Variants in SLC35F3 observed in about 807,000 individuals in gnomAD.
SLC35F3 encodes the protein solute carrier family 35 member F3.
SLC35F3 carries 25 observed loss-of-function variants against 49.9 expected under a neutral mutation model. The ratio of observed to expected loss-of-function variants is 0.50; its 90% CI spans 0.37 to 0.70. The LOEUF is 0.70. Ranked by LOEUF, SLC35F3 falls within the 30% of genes least tolerant of loss-of-function variation. The pLI is 0.00. For synonymous variants in SLC35F3, 275 were observed against 265.4 expected (o/e 1.04, Z -0.35); for missense variants, 525 against 639.8 (o/e 0.82, Z 1.94).
intron 2 of SLC35F3, among the ~76,000 whole-genome samples, chr1:234,031,221 C>G (rs192865898): frequency 6.6e-6 from 1 of 152,100 alleles, no homozygotes; most frequent in Non-Finnish European, 1.5e-5. Flanking sequence ...ATTCCACTCA[C>G]GTTCTCAATC....
intron 2 of SLC35F3, among the ~76,000 whole-genome samples, chr1:234,197,979 A>G (rs1378659482): frequency 6.6e-6 from 1 of 152,246 alleles, no homozygotes; most frequent in African/African-American, 2.4e-5. Flanking sequence ...CTCTGGTCAT[A>G]ATTAGCACTT....
At chr1:234,211,097 G>A (rs1239372961) in intron 2 of SLC35F3, among the ~76,000 whole-genome samples, 1 of 152,250 alleles carries the variant, frequency 6.6e-6, no homozygotes, top group Non-Finnish European at 1.5e-5. Context: ...TAAACCCCAA[G>A]CCTTGGCAAT....
At chr1:233,914,663 TCA>T (rs1177010966) in intron 2 of SLC35F3, among the ~76,000 whole-genome samples, 1 of 152,216 alleles carries the variant, frequency 6.6e-6, no homozygotes, top group Non-Finnish European at 1.5e-5. Flanking sequence ...TCAGGAAGCC[TCA>T]GTCACTGGAG....
chr1:234,099,453 T>C (rs558439319), intron 2 of SLC35F3, among the ~76,000 whole-genome samples: 1 of 151,856 alleles, frequency 6.6e-6, no homozygotes, highest in East Asian at 1.9e-4. Context: ...CTACTAAAAA[T>C]ACAAAAATTA....
At chr1:234,269,124 TGTA>T (rs559234344) in intron 3 of SLC35F3, among the ~76,000 whole-genome samples, 1 of 152,368 alleles carries the variant, frequency 6.6e-6, no homozygotes, top group African/African-American at 2.4e-5. Context: ...TCACCTTTCA[TGTA>T]GTGTAAATAT....
chr1:234,143,514 C>T (rs955917299), intron 2 of SLC35F3, among the ~76,000 whole-genome samples: 1 of 152,010 alleles, frequency 6.6e-6, no homozygotes, highest in Admixed American at 6.6e-5. Context: ...GGTCTGAACT[C>T]CTGACCTCAG....
At chr1:234,169,129 C>T (rs1336980240) in intron 2 of SLC35F3, among the ~76,000 whole-genome samples, 1 of 152,188 alleles carries the variant, frequency 6.6e-6, no homozygotes, top group Admixed American at 6.5e-5. Flanking sequence ...TGTCTCCACT[C>T]AAGAAGAGAG....
intron 4 of SLC35F3, among the ~76,000 whole-genome samples, chr1:234,313,038 G>A (rs1394956817): frequency 1.3e-5 from 2 of 151,970 alleles, no homozygotes; most frequent in Non-Finnish European, 2.9e-5. Flanking sequence ...ACCACACCCA[G>A]CTAATTTTTT....
intron 3 of SLC35F3, among the ~76,000 whole-genome samples, chr1:234,290,148 G>GA (rs1309804919): frequency 2.0e-5 from 3 of 152,076 alleles, no homozygotes; most frequent in Non-Finnish European, 4.4e-5. Flanking sequence ...AAAGCACAGA[G>GA]ATATAAAGTG....
chr1:234,059,579 ATAGAGC>A (rs146323240), intron 2 of SLC35F3, among the ~76,000 whole-genome samples: 3,056 of 152,076 alleles, frequency 0.02, 119 homozygotes, highest in East Asian at 0.17. Context: ...AGAGGTAGAG[ATAGAGC>A]TAGAGCTAGA....
intron 1 of SLC35F3, 114 bp from the exon 2 acceptor site, chr1:233,905,415 G>A (rs1182198766): frequency 3.6e-6 from 3 of 837,520 alleles, no homozygotes; most frequent in Non-Finnish European, 5.5e-6. Context: ...CTCGCCCCCG[G>A]AGGGCCCCGG....
At chr1:233,919,038 A>G (rs912207386) in intron 2 of SLC35F3, among the ~76,000 whole-genome samples, 6 of 152,040 alleles carry the variant, frequency 3.9e-5, no homozygotes, top group African/African-American at 1.4e-4. Context: ...GAATCTATCT[A>G]TATATATATG....
At chr1:233,987,447 A>G (rs1406822582) in intron 2 of SLC35F3, among the ~76,000 whole-genome samples, 1 of 151,182 alleles carries the variant, frequency 6.6e-6, no homozygotes, top group African/African-American at 2.5e-5. Context: ...GTACTTCTCC[A>G]TTCTATTCTA....
chr1:234,195,654 C>G (rs989576618), intron 2 of SLC35F3, among the ~76,000 whole-genome samples: 2 of 152,176 alleles, frequency 1.3e-5, no homozygotes, highest in African/African-American at 4.8e-5. Flanking sequence ...TAATACCCCC[C>G]TGCAACCACG....
At chr1:234,059,851 C>T (rs1473481771) in intron 2 of SLC35F3, among the ~76,000 whole-genome samples, 1 of 152,178 alleles carries the variant, frequency 6.6e-6, no homozygotes, top group Non-Finnish European at 1.5e-5. Context: ...AAGATGTAGG[C>T]TGGGAGGCTA....
rs567774962 is a variant in SLC35F3 at position 234,069,138 on chromosome 1, TATATA to T, written c.284-162273_284-162269del. On this transcript the variant is annotated intron_variant, in intron 2 of 7. Coordinates refer to ENST00000366618, the MANE Select transcript of SLC35F3 (RefSeq NM_173508.4). ...ATATTTTTGTATATAAAATATATAA[TATATA>T]ATATATTTATAGACAATAATATATA... is the stretch of plus-strand genomic sequence containing the variant. Among the ~76,000 whole-genome samples the T allele has an allele frequency of 9.0e-3, 1,183 of 131,294 alleles. 56 individuals carry two copies. In the East Asian group the frequency reaches 0.11, roughly 12 times the overall value. 86.1% of individuals were successfully genotyped at this position (131,294 alleles called of 152,430 possible). A position where few individuals can be genotyped will look rare whatever the true frequency, so the allele number is the denominator to read the frequency against.
At chr1:234,114,633 T>C (rs1480069071) in intron 2 of SLC35F3, among the ~76,000 whole-genome samples, 1 of 152,254 alleles carries the variant, frequency 6.6e-6, no homozygotes, top group Non-Finnish European at 1.5e-5. Flanking sequence ...ATTTAATTCT[T>C]TTAATGTGTT....
At chr1:234,116,475 A>T (rs1665488002) in intron 2 of SLC35F3, among the ~76,000 whole-genome samples, 1 of 141,946 alleles carries the variant, frequency 7.0e-6, no homozygotes, top group Non-Finnish European at 1.5e-5. Flanking sequence ...CAGTAGAGCC[A>T]CCCTCCCTCC....
intron 2 of SLC35F3, among the ~76,000 whole-genome samples, chr1:233,988,583 C>A (rs145079759): frequency 1.9e-4 from 29 of 152,306 alleles, no homozygotes; most frequent in Middle Eastern, 3.4e-3. Flanking sequence ...TTAATTCCCA[C>A]CCTCCACATG....
Sources: allele counts gnomAD v4.1 joint callset (sites outside exome capture counted in the v4.1 genomes callset), GRCh38; gene constraint gnomAD v4.1.1; transcripts MANE v1.5; gene names NCBI Gene and HGNC (gene_info 2026-07-23, HGNC 2026-07-21).